MROH7: variants seen among roughly 807,000 people sequenced by gnomAD.
The protein encoded by MROH7 is maestro heat-like repeat-containing protein family member 7.
In MROH7, 113 loss-of-function variants were observed where a neutral mutation model predicts 129.2. The observed-to-expected ratio is 0.87, with a 90% CI of 0.75 to 1.02. MROH7 has a LOEUF of 1.02. Among genes scored for constraint, MROH7 ranks in the 50% least tolerant of loss-of-function variants. MROH7 has a pLI of 0.00. For synonymous variants in MROH7, 655 were observed against 667.9 expected, an observed-to-expected ratio of 0.98 and a Z score of 0.30; for missense variants, 1,601 against 1,671.3, an observed-to-expected ratio of 0.96 and a Z score of 0.73.
In MROH7 at chr1:54,700,308, T is replaced by G; in HGVS notation, c.2965-13T>G. 1.2e-6 allele frequency: 2 copies of G among 1,614,072 alleles called. No individual in the cohort carries two copies. Among genetic ancestry groups the G allele is most frequent in the Non-Finnish European group, 1.7e-6 (2 of 1,180,004 alleles). On this transcript the variant is annotated splice_polypyrimidine_tract_variant and intron_variant, in intron 17 of 23. Coordinates refer to ENST00000421030, the MANE Select transcript of MROH7 (RefSeq NM_001039464.4). ...CCCTCAGCCTGGGAAGTAATGACCC[T>G]TTGCTCCCTCAGCTCCTCCAGATGG...
rs771141407 is a variant in MROH7, at chr1:54,701,283, T to C, written c.3246T>C (p.Tyr1082=). 1 of 1,607,018 alleles carries C rather than the reference T, an allele frequency of 6.2e-7. No individual in the cohort carries two copies. ...AGAAGCTGATGGACAGTGCGGTCTA[T>C]GTGGAGATGCTGCAGATCCTGCTGC... The part of the protein sequence containing the change: ...RDQKLMDSAV[Y]VEMLQILLPH... Residue 1082 remains tyrosine, a synonymous_variant, in exon 19 of 24, where the codon TAT becomes TAC. Coordinates refer to ENST00000421030, the MANE Select transcript of MROH7 (RefSeq NM_001039464.4).
intron 3 of MROH7, among the ~76,000 whole-genome samples, chr1:54,658,595 T>C (rs1004695038): frequency 7.3e-5 from 11 of 150,588 alleles, no homozygotes; most frequent in African/African-American, 2.7e-4. Flanking sequence ...GTGCTAGTCA[T>C]CTCAAGTATA....
At chr1:54,658,177 C>T (rs1359167914) in intron 3 of MROH7, among the ~76,000 whole-genome samples, 4 of 152,144 alleles carry the variant, frequency 2.6e-5, no homozygotes, top group South Asian at 2.1e-4. Flanking sequence ...CCTCATATAA[C>T]GACTTCATTC....
rs539100806 is a variant in MROH7 at position 54,672,178 on chromosome 1, C to T, written c.1600-913C>T. On this transcript the variant is annotated intron_variant, in intron 7 of 23. Coordinates refer to ENST00000421030, the MANE Select transcript of MROH7 (RefSeq NM_001039464.4). ...GTGGGGGTGACTGAAAAAAGGAGGC[C>T]GCCCTCTTGTAGTATCAGATTTAGC... Among the ~76,000 whole-genome samples, 16 of 151,912 alleles carry T rather than the reference C, an allele frequency of 1.1e-4. No individual in the cohort carries two copies. In the South Asian group the frequency reaches 1.9e-3, roughly 18 times the overall value.
Position 54,653,219 on chromosome 1 carries a change from G to A in MROH7, c.293G>A (p.Ser98Asn). The change falls in exon 3 of 24, where the codon AGT (serine) becomes AAT (asparagine). Residue 98 changes from serine to asparagine, a missense_variant. Ser to Asn is a conservative substitution (Grantham distance 46). Coordinates refer to ENST00000421030, the MANE Select transcript of MROH7 (RefSeq NM_001039464.4). ...GCTCCAGCCTCCCTCCAGATCACCA[G>A]TTCTTGTTCTGGTGAAGCCCTGGAC... is the stretch of plus-strand genomic sequence containing the variant. ...AIAPASLQIT[S>N]SCSGEALDLD... 6.2e-7 allele frequency: 1 copy of A among 1,614,194 alleles called. No homozygotes were observed. The highest frequency in any genetic ancestry group is 8.5e-7 in the Non-Finnish European group (1 of 1,180,046).
intron 1 of MROH7, among the ~76,000 whole-genome samples, chr1:54,646,110 G>C (rs1218665508): frequency 6.6e-6 from 1 of 152,202 alleles, no homozygotes; most frequent in East Asian, 1.9e-4. Context: ...GCCTACAGGG[G>C]TAGAAGGCAT....
Position 54,673,035 on chromosome 1 carries a change from G to C in MROH7, c.1600-56G>C, listed in dbSNP as rs2101113335. 8 of 1,354,830 alleles carry C rather than the reference G, an allele frequency of 5.9e-6. No individual in the cohort carries two copies. In the South Asian group the frequency reaches 7.1e-5, roughly 12 times the overall value. The allele number at this position is 1,354,830 out of a possible 1,614,324, so 83.9% of individuals were successfully genotyped here. A position where few individuals can be genotyped will look rare whatever the true frequency, so the allele number is the denominator to read the frequency against. On this transcript the variant is annotated intron_variant, in intron 7 of 23. Transcript: ENST00000421030. ...CCTGACCTACACCAGGGGCCGCCTG[G>C]GGCTGGTGTCCGCTCCAGAGGTGCC...
chr1:54,701,116 C>G (rs1289943273), intron 18 of MROH7, 27 bp from the exon 19 acceptor site: 3 of 1,610,806 alleles, frequency 1.9e-6, no homozygotes, highest in African/African-American at 2.7e-5. Flanking sequence ...GATAGGAGCC[C>G]TCATCCCAAA....
chr1:54,670,378 G>A, intron 5 of MROH7, 119 bp from the exon 6 acceptor site: 3 of 738,474 alleles, frequency 4.1e-6, no homozygotes, highest in Non-Finnish European at 6.8e-6. Context: ...GCTGAGGCGG[G>A]AGGAGCACTT....
chr1:54,670,782 T>C lies in MROH7; in HGVS notation c.1470-18T>C. 1 of 1,612,452 alleles carries C rather than the reference T, an allele frequency of 6.2e-7. No homozygotes were observed. The highest frequency in any genetic ancestry group is 8.5e-7 in the Non-Finnish European group (1 of 1,179,336). ...CCCCTCTCTCACTCCATTTCTTTGC[T>C]TTCTGCCTCTTCTCCAGCCACACCC... On this transcript the variant is annotated intron_variant, in intron 6 of 23. Transcript: ENST00000421030.
rs757874181 is a variant in MROH7 at position 54,680,025 on chromosome 1, G to A, written c.2361G>A (p.Met787Ile). 1.9e-5 allele frequency: 30 copies of A among 1,613,968 alleles called. No homozygotes were observed. The highest frequency in any genetic ancestry group is 2.5e-5 in the Non-Finnish European group (29 of 1,179,944). Residue 787 changes from methionine (M) to isoleucine (I), a missense_variant, in exon 13 of 24, where the codon ATG (methionine) becomes ATA (isoleucine). Physicochemically the swap from Met to Ile is conservative, Grantham distance 10. Coordinates refer to ENST00000421030, the MANE Select transcript of MROH7 (RefSeq NM_001039464.4). ...CCGAGGTTGTGGTGGCCCTGCTCAT[G>A]TGCCCCCTCCCACTGAACAGGTACC... ...FMTEVVVALL[M>I]CPLPLNSNGA...
At chr1:54,657,826 T>C (rs1644672428) in intron 3 of MROH7, among the ~76,000 whole-genome samples, 1 of 152,058 alleles carries the variant, frequency 6.6e-6, no homozygotes, top group East Asian at 1.9e-4. Context: ...ATGCCCGGCT[T>C]ATTTTGGTAG....
chr1:54,647,634 G>A (rs1644486980), intron 1 of MROH7, among the ~76,000 whole-genome samples: 1 of 152,104 alleles, frequency 6.6e-6, no homozygotes, highest in Admixed American at 6.5e-5. Context: ...CAGCTACTGG[G>A]GAGGCTGAAA....
chr1:54,684,117 T>A (rs992721654), intron 14 of MROH7, among the ~76,000 whole-genome samples: 3 of 152,236 alleles, frequency 2.0e-5, no homozygotes, highest in Non-Finnish European at 4.4e-5. Context: ...AGTGAGCACC[T>A]CCTATACTAT....
At chr1:54,697,800 C>T (rs1398127319) in intron 17 of MROH7, 1 of 612,866 alleles carries the variant, frequency 1.6e-6, no homozygotes, top group Non-Finnish European at 3.0e-6. Context: ...TGGAGAGGCA[C>T]TTCTAAGTCT....
chr1:54,689,198 C>CTAA (rs1402661443), intron 15 of MROH7, among the ~76,000 whole-genome samples: 1 of 152,068 alleles, frequency 6.6e-6, no homozygotes, highest in African/African-American at 2.4e-5. Flanking sequence ...TGCCAAGGGG[C>CTAA]CTTATAAGGA....
chr1:54,698,811 TGGACGGC>T (rs1645363660), intron 17 of MROH7: 1 of 147,572 alleles, frequency 6.8e-6, no homozygotes, highest in East Asian at 2.0e-4. Context: ...TTTTTTTTTT[TGGACGGC>T]GTTTCATTCT....
intron 7 of MROH7, among the ~76,000 whole-genome samples, chr1:54,671,458 G>A (rs1452116077): frequency 2.6e-5 from 4 of 152,322 alleles, no homozygotes; most frequent in African/African-American, 9.6e-5. Context: ...CCTATGGGAG[G>A]GATGTGGGCA....
rs553157163 is a variant in MROH7, at chr1:54,709,140, G to A, written c.3730+64G>A. 36 of 1,476,814 alleles carry A rather than the reference G, an allele frequency of 2.4e-5. No individual in the cohort carries two copies. The African/African-American group carries it at 4.7e-4, about 19-fold the overall frequency. 91.5% of individuals were successfully genotyped at this position (1,476,814 alleles called of 1,614,324 possible). A position where few individuals can be genotyped will look rare whatever the true frequency, so the allele number is the denominator to read the frequency against. On this transcript the variant is annotated intron_variant, in intron 23 of 23. Transcript: ENST00000421030. ...GTGAGACAGTGAGTAGAATCACAGTGGGTAACAGGGAAAGGGAAGGGATGT... is the reference window on the plus strand; with the variant it reads ...GTGAGACAGTGAGTAGAATCACAGTAGGTAACAGGGAAAGGGAAGGGATGT...
Sources: allele counts gnomAD v4.1 joint callset (sites outside exome capture counted in the v4.1 genomes callset), GRCh38; gene constraint gnomAD v4.1.1; transcripts MANE v1.5; gene names NCBI Gene and HGNC (gene_info 2026-07-23, HGNC 2026-07-21).